The following CALN1 variants were observed in gnomAD, a reference collection of about 807,000 sequenced individuals.
CALN1 encodes the protein calcium-binding protein 8.
In CALN1, 17 loss-of-function variants were observed where a neutral mutation model predicts 30.6. The observed-to-expected ratio is 0.56, with a 90% CI of 0.38 to 0.83. The LOEUF (loss-of-function observed/expected upper bound fraction) is 0.83. Ranked by LOEUF, CALN1 falls within the 40% of genes least tolerant of loss-of-function variation. CALN1 has a pLI of 0.00. For synonymous variants in CALN1, 156 were observed against 131.4 expected, an observed-to-expected ratio of 1.19 and a Z score of -1.28; for missense variants, 291 against 354.9, an observed-to-expected ratio of 0.82 and a Z score of 1.45.
chr7:72,058,690 G>C (rs1184453483), intron 4 of CALN1, among the ~76,000 whole-genome samples: 1 of 152,146 alleles, frequency 6.6e-6, no homozygotes, highest in Non-Finnish European at 1.5e-5. Context: ...AAGGGGGCAG[G>C]ACTTTGGAAG....
intron 4 of CALN1, among the ~76,000 whole-genome samples, chr7:72,069,925 A>C (rs1415352142): frequency 6.6e-6 from 1 of 152,164 alleles, no homozygotes; most frequent in African/African-American, 2.4e-5. Context: ...GGAGAGCCCA[A>C]CTATGACCTC....
At chr7:72,405,711 G>C (rs987326835) in intron 1 of CALN1, among the ~76,000 whole-genome samples, 1 of 143,700 alleles carries the variant, frequency 7.0e-6, no homozygotes, top group South Asian at 2.3e-4. Context: ...CATTACAGTA[G>C]AAACGCAAAA....
intron 3 of CALN1, among the ~76,000 whole-genome samples, chr7:72,192,629 TTATTA>T (rs1562714847): frequency 0.011 from 24 of 2,172 alleles, no homozygotes; most frequent in African/African-American, 0.013. Context: ...ATTTCTTTTA[TTATTA>T]TTATTATTAT....
chr7:71,962,404 A>G (rs1487345254), intron 5 of CALN1, among the ~76,000 whole-genome samples: 2 of 152,166 alleles, frequency 1.3e-5, no homozygotes, highest in Non-Finnish European at 2.9e-5. Flanking sequence ...CCCAGCCTCC[A>G]ATAAATTAAT....
At chr7:71,876,487 A>G (rs1283280013) in intron 5 of CALN1, among the ~76,000 whole-genome samples, 1 of 152,214 alleles carries the variant, frequency 6.6e-6, no homozygotes, top group Non-Finnish European at 1.5e-5. Flanking sequence ...TTCTTGATAA[A>G]TTATCCAGTC....
chr7:72,233,123 A>G (rs954730083), intron 3 of CALN1, among the ~76,000 whole-genome samples: 2 of 151,968 alleles, frequency 1.3e-5, no homozygotes, highest in Non-Finnish European at 2.9e-5. Context: ...TTTTGGTCAC[A>G]AGGGACTGTT....
chr7:71,990,461 C>T (rs1798888817), intron 5 of CALN1, among the ~76,000 whole-genome samples: 1 of 151,890 alleles, frequency 6.6e-6, no homozygotes, highest in South Asian at 2.1e-4. Flanking sequence ...TTCTTTAATT[C>T]ATTTACTTTT....
intron 2 of CALN1, among the ~76,000 whole-genome samples, chr7:72,315,925 T>G (rs1344659130): frequency 6.6e-6 from 1 of 151,958 alleles, no homozygotes; most frequent in African/African-American, 2.4e-5. Context: ...GGCAGGAGGA[T>G]CACTTGAGGT....
chr7:71,821,592 C>G (rs918129507), intron 5 of CALN1, among the ~76,000 whole-genome samples: 1 of 152,134 alleles, frequency 6.6e-6, no homozygotes. Context: ...GTCCCTCCTA[C>G]AACATGTGGG....
intron 2 of CALN1, among the ~76,000 whole-genome samples, chr7:72,389,574 T>C (rs1805446252): frequency 6.6e-6 from 1 of 152,188 alleles, no homozygotes; most frequent in African/African-American, 2.4e-5. Context: ...CAAATGACTG[T>C]TGTTATCTTG....
At chr7:71,904,651 T>A (rs2116962527) in intron 5 of CALN1, among the ~76,000 whole-genome samples, 1 of 152,312 alleles carries the variant, frequency 6.6e-6, no homozygotes, top group Admixed American at 6.5e-5. Flanking sequence ...CTGACTATAG[T>A]CAGTGACGAT....
At chr7:72,387,246 G>A (rs1270233510) in intron 2 of CALN1, among the ~76,000 whole-genome samples, 2 of 39,814 alleles carry the variant, frequency 5.0e-5, no homozygotes, top group African/African-American at 1.0e-4. Flanking sequence ...GGAGGGGAGG[G>A]AGGGAGGGAG....
At chr7:71,936,120 A>C (rs991190832) in intron 5 of CALN1, among the ~76,000 whole-genome samples, 7 of 152,178 alleles carry the variant, frequency 4.6e-5, no homozygotes, top group Admixed American at 4.6e-4. Flanking sequence ...GTTAGAAAAA[A>C]GTTTCCAGAA....
chr7:71,837,484 C>A (rs1419792440), intron 5 of CALN1, among the ~76,000 whole-genome samples: 1 of 152,094 alleles, frequency 6.6e-6, no homozygotes, highest in Non-Finnish European at 1.5e-5. Flanking sequence ...GATTCCAGGA[C>A]ACAATGGAGA....
At chr7:72,123,750 A>G (rs1808554581) in intron 3 of CALN1, among the ~76,000 whole-genome samples, 1 of 152,220 alleles carries the variant, frequency 6.6e-6, no homozygotes, top group Non-Finnish European at 1.5e-5. Flanking sequence ...AGAGCTGACT[A>G]TGAAGGAAAT....
chr7:71,882,784 A>G (rs1792654405), intron 5 of CALN1, among the ~76,000 whole-genome samples: 1 of 151,386 alleles, frequency 6.6e-6, no homozygotes, highest in African/African-American at 2.4e-5. Flanking sequence ...CCTGGGCTCA[A>G]GTGATCCTCC....
chr7:72,357,840 ATATATATT>A (rs1803327655), intron 2 of CALN1, among the ~76,000 whole-genome samples: 4 of 146,504 alleles, frequency 2.7e-5, no homozygotes, highest in African/African-American at 1.0e-4. Context: ...TTATATATTT[ATATATATT>A]TATATTTATA....
chr7:71,811,618 G>A (rs1787961014), intron 5 of CALN1, among the ~76,000 whole-genome samples: 2 of 152,024 alleles, frequency 1.3e-5, no homozygotes, highest in Admixed American at 1.3e-4. Flanking sequence ...CTCCCCGAGA[G>A]AGGACTGTAC....
chr7:72,355,557 A>T (rs893230705), intron 2 of CALN1, among the ~76,000 whole-genome samples: 1 of 152,036 alleles, frequency 6.6e-6, no homozygotes, highest in African/African-American at 2.4e-5. Context: ...AAACAAAACA[A>T]CAGAAAGCCC....
Sources: gnomAD v4.1 joint callset for allele counts (sites outside exome capture counted in the v4.1 genomes callset) on GRCh38, gnomAD v4.1.1 for gene constraint, MANE v1.5 for transcripts, NCBI Gene and HGNC (gene_info 2026-07-23, HGNC 2026-07-21) for gene names.